CSMD2: variants seen among roughly 807,000 people sequenced by gnomAD.
CSMD2 encodes the protein CUB and Sushi multiple domains 2, also known as CUB and sushi domain-containing protein 2.
A neutral mutation model predicts 398.5 loss-of-function variants in CSMD2; 130 were observed. The observed-to-expected ratio is 0.33, with a 90% CI of 0.28 to 0.38. The LOEUF is 0.38. CSMD2 is among the 10% of genes least tolerant of loss of function. The pLI is 1.00. For missense variants in CSMD2, 3,829 were observed against 4,764.9 expected (o/e 0.80, Z 5.78); for synonymous variants, 1,828 against 1,908.5 (o/e 0.96, Z 1.10).
At chr1:33,582,348 C>T (rs753516730) in intron 47 of CSMD2, among the ~76,000 whole-genome samples, 1 of 152,058 alleles carries the variant, frequency 6.6e-6, no homozygotes, top group Non-Finnish European at 1.5e-5. Flanking sequence ...AAATAGGAAG[C>T]CAAGAAGAGC....
intron 2 of CSMD2, among the ~76,000 whole-genome samples, chr1:34,082,263 G>T: frequency 6.6e-6 from 1 of 150,926 alleles, no homozygotes; most frequent in African/African-American, 2.4e-5. Flanking sequence ...TGGGAACTGA[G>T]GAGCGCCTCT....
intron 1 of CSMD2, among the ~76,000 whole-genome samples, chr1:34,105,358 C>A (rs1038976476): frequency 1.3e-5 from 2 of 152,170 alleles, no homozygotes; most frequent in Non-Finnish European, 2.9e-5. Flanking sequence ...CCAGATATTG[C>A]CAAATGTCCC....
At chr1:33,847,593 G>T (rs1199969133) in intron 5 of CSMD2, among the ~76,000 whole-genome samples, 1 of 152,056 alleles carries the variant, frequency 6.6e-6, no homozygotes, top group Non-Finnish European at 1.5e-5. Context: ...TCTGGCACAT[G>T]TTAGCTTAAT....
chr1:33,524,285 GGAACA>G (rs1654574545), intron 66 of CSMD2, among the ~76,000 whole-genome samples: 1 of 152,064 alleles, frequency 6.6e-6, no homozygotes, highest in African/African-American at 2.4e-5. Flanking sequence ...CCTTGTAATG[GGAACA>G]GCCTTTATTC....
In CSMD2 at chr1:33,700,560, A is replaced by G; in HGVS notation, c.3690T>C (p.Thr1230=). 6.2e-7 allele frequency: 1 copy of G among 1,614,232 alleles called. No individual in the cohort carries two copies. The highest frequency in any genetic ancestry group is 1.3e-5 in the African/African-American group (1 of 75,068). Residue 1230 remains threonine (T), a synonymous_variant, in exon 23 of 71, where the codon ACT becomes ACC. Coordinates refer to ENST00000373381, the MANE Select transcript of CSMD2 (RefSeq NM_001281956.2). The part of the protein sequence containing the change: ...TSSSLWLDFI[T]DAENTSKGFE... ...AGCCCTTGCTGGTGTTTTCAGCATC[A>G]GTGATGAAATCAAGCCACAGACTGC...
chr1:33,646,421 A>C (rs1291154198), intron 29 of CSMD2, among the ~76,000 whole-genome samples: 1 of 152,224 alleles, frequency 6.6e-6, no homozygotes, highest in East Asian at 1.9e-4. Context: ...GAGGTGCAAA[A>C]AGAATGCTGG....
intron 36 of CSMD2, among the ~76,000 whole-genome samples, chr1:33,622,997 C>G (rs1325982969): frequency 1.3e-5 from 2 of 152,196 alleles, no homozygotes; most frequent in Non-Finnish European, 2.9e-5. Flanking sequence ...ACTGGGGGAA[C>G]TTTGAAAACA....
intron 21 of CSMD2, among the ~76,000 whole-genome samples, chr1:33,711,394 C>G (rs1212816492): frequency 6.6e-6 from 1 of 152,214 alleles, no homozygotes; most frequent in East Asian, 1.9e-4. Context: ...GAAATTTAAT[C>G]TCTTCATCTG....
intron 3 of CSMD2, among the ~76,000 whole-genome samples, chr1:33,970,408 C>T (rs1235897190): frequency 6.6e-6 from 1 of 152,162 alleles, no homozygotes; most frequent in Admixed American, 6.5e-5. Context: ...CCAGATCTTG[C>T]CCATTGTCTC....
intron 13 of CSMD2, among the ~76,000 whole-genome samples, chr1:33,768,105 A>G (rs1225986555): frequency 6.6e-6 from 1 of 152,242 alleles, no homozygotes; most frequent in Non-Finnish European, 1.5e-5. Context: ...CCAATAATGT[A>G]GAACATTTAA....
chr1:33,958,562 G>A (rs957287971), intron 3 of CSMD2, among the ~76,000 whole-genome samples: 2 of 152,178 alleles, frequency 1.3e-5, no homozygotes, highest in Non-Finnish European at 2.9e-5. Context: ...TCTCCTGGGT[G>A]AGCCTGGTCA....
chr1:33,859,931 C>T (rs1318878152), intron 5 of CSMD2, among the ~76,000 whole-genome samples: 1 of 152,064 alleles, frequency 6.6e-6, no homozygotes, highest in African/African-American at 2.4e-5. Context: ...CCTGGCTGCA[C>T]ATTGCTATCA....
At chr1:33,794,307 C>T (rs541313968) in intron 10 of CSMD2, among the ~76,000 whole-genome samples, 10 of 152,208 alleles carry the variant, frequency 6.6e-5, no homozygotes, top group Admixed American at 5.2e-4. Flanking sequence ...TCTGTGAGCA[C>T]GTCAGTGGGT....
chr1:34,105,482 C>T (rs1660441731), intron 1 of CSMD2, among the ~76,000 whole-genome samples: 1 of 152,188 alleles, frequency 6.6e-6, no homozygotes. Context: ...AGGAAGCTAA[C>T]CTTCTGCCGT....
At chr1:33,800,222 G>C (rs1456428412) in intron 10 of CSMD2, among the ~76,000 whole-genome samples, 1 of 152,194 alleles carries the variant, frequency 6.6e-6, no homozygotes, top group Non-Finnish European at 1.5e-5. Flanking sequence ...CCTGGGCACA[G>C]CTTGAACCAT....
intron 5 of CSMD2, 31 bp downstream of exon 5, chr1:33,918,063 G>C: frequency 6.3e-7 from 1 of 1,595,760 alleles, no homozygotes; most frequent in Non-Finnish European, 8.6e-7. Flanking sequence ...GCAGAGAATA[G>C]GGTAGGAAAG....
intron 67 of CSMD2, among the ~76,000 whole-genome samples, chr1:33,522,693 C>G (rs971338151): frequency 6.6e-6 from 1 of 152,222 alleles, no homozygotes; most frequent in Admixed American, 6.5e-5. Context: ...TCTTCTAGCT[C>G]CAGCAATCCA....
chr1:33,749,131 G>A (rs978829149), intron 13 of CSMD2, among the ~76,000 whole-genome samples: 64 of 116,542 alleles, frequency 5.5e-4, no homozygotes, highest in Admixed American at 1.2e-4. Context: ...ACGGAGTCTC[G>A]CTGTCACCCA....
chr1:33,999,583 G>C (rs1341548074), intron 3 of CSMD2, among the ~76,000 whole-genome samples: 2 of 151,498 alleles, frequency 1.3e-5, no homozygotes, highest in East Asian at 1.9e-4. Flanking sequence ...TGGTAGACAG[G>C]GTCTCATTAT....
Sources: gnomAD v4.1 joint callset for allele counts (sites outside exome capture counted in the v4.1 genomes callset) on GRCh38, gnomAD v4.1.1 for gene constraint, MANE v1.5 for transcripts, NCBI Gene and HGNC (gene_info 2026-07-23, HGNC 2026-07-21) for gene names.